PCBD2: variants seen among roughly 807,000 people sequenced by gnomAD.
The protein encoded by PCBD2 is pterin-4-alpha-carbinolamine dehydratase 2.
PCBD2 carries 12 observed loss-of-function variants against 16.4 expected under a neutral mutation model. That is an observed-to-expected ratio of 0.73 (90% CI 0.47 to 1.19). PCBD2 has a LOEUF of 1.19. Ranked by LOEUF, PCBD2 falls within the 50% of genes most tolerant of loss-of-function variation. The pLI is 0.00. For missense variants in PCBD2, 138 were observed against 156.8 expected (o/e 0.88, Z 0.64); for synonymous variants, 58 against 61.8 (o/e 0.94, Z 0.29).
Position 134,962,513 on chromosome 5 carries a change from A to G in PCBD2, c.*1832A>G, listed in dbSNP as rs1223097210. Among the ~76,000 whole-genome samples the G allele has an allele frequency of 1.3e-5, 2 of 152,114 alleles. No individual in the cohort carries two copies. The highest frequency in any genetic ancestry group is 2.9e-5 in the Non-Finnish European group (2 of 68,010). ...AATGATCTTCCTGCCTTGACCCCCCAAAGTGCTGGGATTACAGGCGTGAGC... is the reference window on the plus strand; with the variant it reads ...AATGATCTTCCTGCCTTGACCCCCCGAAGTGCTGGGATTACAGGCGTGAGC... On this transcript the variant is annotated 3_prime_UTR_variant, in exon 4 of 4. Transcript: ENST00000254908.
chr5:134,953,411 A>G (rs180899501), intron 2 of PCBD2, among the ~76,000 whole-genome samples: 25 of 149,644 alleles, frequency 1.7e-4, no homozygotes, highest in Admixed American at 1.2e-3. Context: ...ATATAGTATT[A>G]TATACATATA....
At chr5:134,912,256 A>G (rs898696044) in intron 2 of PCBD2, among the ~76,000 whole-genome samples, 4 of 152,242 alleles carry the variant, frequency 2.6e-5, no homozygotes, top group African/African-American at 9.6e-5. Flanking sequence ...CACTGAGATT[A>G]TATCCGGGGG....
At chr5:134,957,924 C>A (rs377521748) in intron 2 of PCBD2, among the ~76,000 whole-genome samples, 18 of 152,242 alleles carry the variant, frequency 1.2e-4, no homozygotes, top group African/African-American at 4.3e-4. Context: ...AGAGAGGTAC[C>A]ATAGTGAATG....
At chr5:134,909,256 G>T (rs319596) in intron 1 of PCBD2, among the ~76,000 whole-genome samples, 66,539 of 152,056 alleles carry the variant, frequency 0.44, 14,736 homozygotes, top group Middle Eastern at 0.49. Context: ...GAGAGAGTTT[G>T]TCTGACTGGT....
At chr5:134,920,694 C>T (rs1196200518) in intron 2 of PCBD2, among the ~76,000 whole-genome samples, 2 of 150,462 alleles carry the variant, frequency 1.3e-5, no homozygotes, top group South Asian at 4.2e-4. Context: ...CTCGCTCTGT[C>T]GGCTAGGCTG....
chr5:134,959,033 T>TA lies in PCBD2; in HGVS notation c.217-6dup. 6.2e-7 allele frequency: 1 copy of TA among 1,612,262 alleles called. No individual in the cohort carries two copies. Among genetic ancestry groups the TA allele is most frequent in the Non-Finnish European group, 8.5e-7 (1 of 1,178,456 alleles). ...TCAGTAATTACTCTTGACTTCATCTTATGCAGGCATTTGGCTTTATGTCCC... is the reference window on the plus strand; with the variant it reads ...TCAGTAATTACTCTTGACTTCATCTTAATGCAGGCATTTGGCTTTATGTCCC... On this transcript the variant is annotated splice_region_variant and splice_polypyrimidine_tract_variant and intron_variant, in intron 2 of 3. Coordinates refer to ENST00000254908, the MANE Select transcript of PCBD2 (RefSeq NM_032151.5).
chr5:134,940,461 C>T (rs1751212790), intron 2 of PCBD2, among the ~76,000 whole-genome samples: 1 of 151,826 alleles, frequency 6.6e-6, no homozygotes, highest in South Asian at 2.1e-4. Flanking sequence ...CCTGGATGTG[C>T]AGGTGGTCAT....
rs1291028307 is a variant in PCBD2, at chr5:134,961,333, T to G, written c.*652T>G. 6.6e-6 allele frequency: 1 copy of G among 150,724 alleles called. No individual in the cohort carries two copies. The highest frequency in any genetic ancestry group is 1.5e-5 in the Non-Finnish European group (1 of 67,662). The allele number at this position is 150,724 out of a possible 1,614,324, so 9.3% of individuals were successfully genotyped here. A position where few individuals can be genotyped will look rare whatever the true frequency, so the allele number is the denominator to read the frequency against. The stretch of plus-strand genomic sequence containing the variant: ...ACGGAGTCTTGCTCTGTCACCAGGC[T>G]GGAGTGCAGTGGCGGGATCTCGGCT... On this transcript the variant is annotated 3_prime_UTR_variant, in exon 4 of 4. Transcript: ENST00000254908.
intron 3 of PCBD2, among the ~76,000 whole-genome samples, 186 bp from the exon 4 acceptor site, chr5:134,960,400 A>G (rs1009961603): frequency 2.0e-5 from 3 of 152,156 alleles, no homozygotes; most frequent in Non-Finnish European, 4.4e-5. Context: ...AATGTAGACT[A>G]TGCCCCTGGA....
intron 2 of PCBD2, among the ~76,000 whole-genome samples, chr5:134,944,275 T>C (rs7733363): frequency 0.61 from 92,888 of 151,934 alleles, 28,742 homozygotes; most frequent in East Asian, 0.78. Context: ...TTGGAGAAAC[T>C]TTGCAATTTG....
At chr5:134,946,472 T>C (rs1751296913) in intron 2 of PCBD2, among the ~76,000 whole-genome samples, 1 of 152,184 alleles carries the variant, frequency 6.6e-6, no homozygotes, top group Admixed American at 6.5e-5. Flanking sequence ...GGAGCTAATA[T>C]TTGGATGATG....
chr5:134,951,626 G>A (rs1211502269), intron 2 of PCBD2, among the ~76,000 whole-genome samples: 1 of 152,188 alleles, frequency 6.6e-6, no homozygotes, highest in African/African-American at 2.4e-5. Context: ...CCAGCAGCAT[G>A]TGAGAATACC....
chr5:134,943,688 C>T (rs1018010159), intron 2 of PCBD2, among the ~76,000 whole-genome samples: 1 of 152,088 alleles, frequency 6.6e-6, no homozygotes, highest in African/African-American at 2.4e-5. Context: ...GTCAAGTTGT[C>T]TTGGGTTCTG....
chr5:134,942,100 C>A (rs1751236681), intron 2 of PCBD2, among the ~76,000 whole-genome samples: 2 of 126,248 alleles, frequency 1.6e-5, no homozygotes, highest in African/African-American at 3.0e-5. Flanking sequence ...CACTGCACTC[C>A]AGCCTGGGCA....
At chr5:134,942,581 C>T (rs555222904) in intron 2 of PCBD2, among the ~76,000 whole-genome samples, 1 of 152,092 alleles carries the variant, frequency 6.6e-6, no homozygotes, top group East Asian at 1.9e-4. Flanking sequence ...ACTACTTGAT[C>T]AGAAAAGAGG....
chr5:134,945,283 AGATGGAGCTTTGCTGT>A (rs1427829438), intron 2 of PCBD2, among the ~76,000 whole-genome samples: 1 of 152,166 alleles, frequency 6.6e-6, no homozygotes, highest in East Asian at 1.9e-4. Context: ...GTCTTTGCAG[AGATGGAGCTTTGCTGT>A]GTGCTGCGTG....
At chr5:134,920,820 TA>T (rs1238187514) in intron 2 of PCBD2, among the ~76,000 whole-genome samples, 3 of 152,206 alleles carry the variant, frequency 2.0e-5, no homozygotes, top group African/African-American at 7.2e-5. Context: ...CAAGCCTGGC[TA>T]ATTTTTTGTA....
intron 2 of PCBD2, among the ~76,000 whole-genome samples, chr5:134,943,603 G>T (rs1237667068): frequency 6.6e-6 from 1 of 152,126 alleles, no homozygotes; most frequent in Non-Finnish European, 1.5e-5. Context: ...AAGGCTCCAG[G>T]TTGTGACAGA....
At chr5:134,949,368 A>T (rs1751334592) in intron 2 of PCBD2, among the ~76,000 whole-genome samples, 1 of 152,178 alleles carries the variant, frequency 6.6e-6, no homozygotes, top group Admixed American at 6.5e-5. Flanking sequence ...ATTGATGATG[A>T]TAATAATCAC....
Sources: allele counts gnomAD v4.1 joint callset (sites outside exome capture counted in the v4.1 genomes callset), GRCh38; gene constraint gnomAD v4.1.1; transcripts MANE v1.5; gene names NCBI Gene and HGNC (gene_info 2026-07-23, HGNC 2026-07-21).